The following PTPRN2 variants were observed in gnomAD, a reference collection of about 807,000 sequenced individuals.
PTPRN2 encodes protein tyrosine phosphatase receptor type N2, also known as receptor-type tyrosine-protein phosphatase N2.
A neutral mutation model predicts 118.8 loss-of-function variants in PTPRN2; 74 were observed. The ratio of observed to expected loss-of-function variants is 0.62; its 90% CI spans 0.52 to 0.76. The LOEUF (loss-of-function observed/expected upper bound fraction) is 0.76. Ranked by LOEUF, PTPRN2 falls within the 30% of genes least tolerant of loss-of-function variation. The probability of loss-of-function intolerance (pLI) is 0.00; values close to 1 mark genes in which losing one functional copy is unlikely to be tolerated. For missense variants in PTPRN2, 1,481 were observed against 1,394.4 expected (o/e 1.06, Z -0.99); for synonymous variants, 641 against 608.0 (o/e 1.05, Z -0.80).
intron 12 of PTPRN2, among the ~76,000 whole-genome samples, chr7:157,876,599 C>T (rs749859615): frequency 6.6e-6 from 1 of 152,184 alleles, no homozygotes; most frequent in Admixed American, 6.5e-5. Context: ...AGGCAGACGG[C>T]GGCAATCAGC....
chr7:158,266,428 AGGCTGGGGATGGTGTCTGCTGCGGGGTGT>A (rs1797885373), intron 3 of PTPRN2, among the ~76,000 whole-genome samples: 3 of 149,982 alleles, frequency 2.0e-5, no homozygotes, highest in Admixed American at 6.6e-5. Context: ...TCTGGCAGTG[AGGCTGGGGATGGTGTCTGCTGCGGGGTGT>A]TGTCTGGCAG....
At chr7:158,193,216 C>T (rs895866116) in intron 4 of PTPRN2, among the ~76,000 whole-genome samples, 4 of 152,192 alleles carry the variant, frequency 2.6e-5, no homozygotes, top group Admixed American at 6.5e-5. Context: ...GTAGGGCCAG[C>T]GAGGACAAGG....
intron 1 of PTPRN2, among the ~76,000 whole-genome samples, chr7:158,490,953 G>A (rs1377739668): frequency 6.6e-6 from 1 of 152,162 alleles, no homozygotes; most frequent in Non-Finnish European, 1.5e-5. Context: ...TCTGGCACAG[G>A]GCAGGTGCCC....
chr7:158,257,723 G>A (rs1157531402), intron 3 of PTPRN2, among the ~76,000 whole-genome samples: 2 of 152,242 alleles, frequency 1.3e-5, no homozygotes, highest in African/African-American at 4.8e-5. Flanking sequence ...AAGACCTGCG[G>A]CGGTGACTGC....
intron 11 of PTPRN2, among the ~76,000 whole-genome samples, chr7:157,995,758 G>A (rs1804676758): frequency 6.6e-6 from 1 of 152,248 alleles, no homozygotes; most frequent in South Asian, 2.1e-4. Flanking sequence ...ATGTGGAGGT[G>A]CAGAAGGAGG....
At chr7:158,132,181 T>C (rs1008023442) in intron 9 of PTPRN2, among the ~76,000 whole-genome samples, 4 of 148,114 alleles carry the variant, frequency 2.7e-5, no homozygotes, top group African/African-American at 5.0e-5. Context: ...CACACACATA[T>C]ACACACACAC....
At chr7:158,262,454 CAG>C (rs1425078676) in intron 3 of PTPRN2, among the ~76,000 whole-genome samples, 3 of 148,574 alleles carry the variant, frequency 2.0e-5, no homozygotes, top group Middle Eastern at 3.7e-3. Flanking sequence ...ACTGCACACG[CAG>C]ATTCACACAC....
chr7:158,221,805 G>A (rs1828399978), intron 3 of PTPRN2, among the ~76,000 whole-genome samples: 1 of 152,028 alleles, frequency 6.6e-6, no homozygotes, highest in South Asian at 2.1e-4. Context: ...GATGTGGGTG[G>A]GGACACAGCC....
At chr7:158,149,272 A>T (rs897916172) in intron 6 of PTPRN2, among the ~76,000 whole-genome samples, 2 of 152,144 alleles carry the variant, frequency 1.3e-5, no homozygotes, top group Non-Finnish European at 2.9e-5. Context: ...TTCCAACCAA[A>T]AGACCTCCAA....
intron 10 of PTPRN2, among the ~76,000 whole-genome samples, chr7:158,104,441 A>C (rs1815497267): frequency 1.3e-5 from 2 of 152,192 alleles, no homozygotes; most frequent in Admixed American, 6.5e-5. Flanking sequence ...AAATAGTAAG[A>C]CACCAAGATC....
At chr7:157,558,931 G>C (rs1171143769) in intron 21 of PTPRN2, among the ~76,000 whole-genome samples, 1 of 152,232 alleles carries the variant, frequency 6.6e-6, no homozygotes, top group East Asian at 1.9e-4. Flanking sequence ...ATGCCCGTGG[G>C]CTCATGGTCA....
At chr7:158,230,339 C>A (rs1373341019) in intron 3 of PTPRN2, among the ~76,000 whole-genome samples, 1 of 152,116 alleles carries the variant, frequency 6.6e-6, no homozygotes, top group Non-Finnish European at 1.5e-5. Context: ...TAAAAGTAAG[C>A]ACTCAAACTA....
rs75428353 is a variant in PTPRN2, at chr7:158,110,998, C to T, written c.1557-83G>A. The T allele has an allele frequency of 5.1e-3, 6,140 of 1,205,244 alleles. 212 individuals carry two copies. The East Asian group carries it at 0.088, about 17-fold the overall frequency. The allele number at this position is 1,205,244 out of a possible 1,614,324, so 74.7% of individuals were successfully genotyped here. A position where few individuals can be genotyped will look rare whatever the true frequency, so the allele number is the denominator to read the frequency against. On this transcript the variant is annotated intron_variant, in intron 9 of 22. Coordinates refer to ENST00000389418, the MANE Select transcript of PTPRN2 (RefSeq NM_002847.5). ...CTAAAGCCCTGTGGCCCCACAGCCC[C>T]GCTCCCTGGTCCCCACACACACCCT...
chr7:157,645,708 C>T lies in PTPRN2; in HGVS notation c.2196+10649G>A, dbSNP rs180789809. On this transcript the variant is annotated intron_variant, in intron 14 of 22. Coordinates refer to ENST00000389418, the MANE Select transcript of PTPRN2 (RefSeq NM_002847.5). ...GCGTCATGTGAGGAGCTGCTGTTTA[C>T]GCACCACATGACCACAGCAGCACCG... is the stretch of plus-strand genomic sequence containing the variant. Among the ~76,000 whole-genome samples the T allele has an allele frequency of 1.7e-4, 26 of 152,308 alleles. No homozygotes were observed. In the East Asian group the frequency reaches 2.3e-3, roughly 14 times the overall value.
chr7:158,040,416 A>AC, intron 11 of PTPRN2, among the ~76,000 whole-genome samples: 1 of 124,462 alleles, frequency 8.0e-6, no homozygotes, highest in African/African-American at 2.7e-5. Flanking sequence ...ACACACACAC[A>AC]AACACACTGC....
At position 157,648,966 on chromosome 7, in the gene PTPRN2, G is replaced by A. The variant is rs557497503; in HGVS notation, c.2196+7391C>T. Among the ~76,000 whole-genome samples, 10 of 146,080 alleles carry A rather than the reference G, an allele frequency of 6.8e-5. No individual in the cohort carries two copies. The South Asian group carries it at 9.3e-4, about 14-fold the overall frequency. On this transcript the variant is annotated intron_variant, in intron 14 of 22. Coordinates refer to ENST00000389418, the MANE Select transcript of PTPRN2 (RefSeq NM_002847.5). ...GACCCATCCAGTGTGCACTGAACTC[G>A]GTGGGTCGGACCCATCCACTGTGCA...
chr7:157,809,851 A>C (rs1376631534), intron 12 of PTPRN2, among the ~76,000 whole-genome samples: 2 of 152,202 alleles, frequency 1.3e-5, no homozygotes, highest in Admixed American at 6.5e-5. Context: ...CCTCACAGGA[A>C]ACCGTCTCAC....
At chr7:158,169,417 A>AGTGTGTCTGTGTGT (rs773827214) in intron 5 of PTPRN2, among the ~76,000 whole-genome samples, 240 of 136,628 alleles carry the variant, frequency 1.8e-3, no homozygotes, top group African/African-American at 6.2e-3. Flanking sequence ...TGCTTTTGTG[A>AGTGTGTCTGTGTGT]GTGTGTGTGT....
intron 2 of PTPRN2, among the ~76,000 whole-genome samples, chr7:158,369,755 T>C (rs1809816000): frequency 6.6e-6 from 1 of 152,084 alleles, no homozygotes; most frequent in Admixed American, 6.5e-5. Context: ...CAAACCTACA[T>C]TGAAGGTACA....
Sources: allele counts gnomAD v4.1 joint callset (sites outside exome capture counted in the v4.1 genomes callset), GRCh38; gene constraint gnomAD v4.1.1; transcripts MANE v1.5; gene names NCBI Gene and HGNC (gene_info 2026-07-23, HGNC 2026-07-21).